The following PTPRS variants were observed in gnomAD, a reference collection of about 807,000 sequenced individuals.
PTPRS encodes protein tyrosine phosphatase receptor type S.
A neutral mutation model predicts 215.3 loss-of-function variants in PTPRS; 63 were observed. The observed-to-expected ratio is 0.29, with a 90% confidence interval of 0.24 to 0.36. The LOEUF is 0.36. Among genes scored for constraint, PTPRS ranks in the 10% least tolerant of loss-of-function variants. The probability of loss-of-function intolerance (pLI) is 1.00; values close to 1 mark genes in which losing one functional copy is unlikely to be tolerated. For synonymous variants in PTPRS, 1,404 were observed against 1,191.4 expected, an observed-to-expected ratio of 1.18 and a Z score of -3.68; for missense variants, 2,258 against 2,825.8, an observed-to-expected ratio of 0.80 and a Z score of 4.56.
chr19:5,216,603 C>T, intron 26 of PTPRS, 117 bp downstream of exon 26: 1 of 911,650 alleles, frequency 1.1e-6, no homozygotes, highest in Non-Finnish European at 1.7e-6. Context: ...GACAGGTGGG[C>T]AAAGGCCGGT....
At chr19:5,337,284 T>C (rs1024407054) in intron 1 of PTPRS, among the ~76,000 whole-genome samples, 33 of 152,214 alleles carry the variant, frequency 2.2e-4, no homozygotes, top group Non-Finnish European at 1.8e-4. Flanking sequence ...CCGAACTCTC[T>C]CCACGCCCCG....
At chr19:5,277,455 A>G (rs1290242576) in intron 2 of PTPRS, among the ~76,000 whole-genome samples, 1 of 151,900 alleles carries the variant, frequency 6.6e-6, no homozygotes, top group Non-Finnish European at 1.5e-5. Flanking sequence ...GGAGATCGAG[A>G]CCATCCTGGC....
intron 1 of PTPRS, among the ~76,000 whole-genome samples, chr19:5,305,508 C>A (rs1445437165): frequency 6.6e-6 from 1 of 151,968 alleles, no homozygotes; most frequent in Non-Finnish European, 1.5e-5. Flanking sequence ...AATAGTGCCA[C>A]TGCACTCCAG....
chr19:5,299,154 G>T (rs540969580), intron 1 of PTPRS, among the ~76,000 whole-genome samples: 1 of 152,112 alleles, frequency 6.6e-6, no homozygotes, highest in East Asian at 1.9e-4. Flanking sequence ...GTCAGGTCCC[G>T]TCCCTCCTCT....
Position 5,244,983 on chromosome 19 carries a change from CTTTT to C in PTPRS, c.989-505_989-502del, listed in dbSNP as rs34897765. On this transcript the variant is annotated intron_variant, in intron 10 of 37. Coordinates refer to ENST00000262963, the MANE Select transcript of PTPRS (RefSeq NM_002850.4). This position sits in a 1 kb window ranked among gnomAD's most constrained non-coding sequence, Gnocchi z 7.2. ...GCACCCGGCCTTTTTTTTCTTTTTTCTTTTTTTTTTTTTTTAGACGGAGCCTTGC... is the reference window on the plus strand; with the variant it reads ...GCACCCGGCCTTTTTTTTCTTTTTTCTTTTTTTTTTTAGACGGAGCCTTGC... Among the ~76,000 whole-genome samples the C allele has an allele frequency of 9.2e-6, 1 of 108,144 alleles. No individual in the cohort carries two copies. The allele number at this position is 108,144 out of a possible 152,430, so 70.9% of individuals were successfully genotyped here.
intron 13 of PTPRS, among the ~76,000 whole-genome samples, chr19:5,232,105 C>G (rs113885711): frequency 1.1e-4 from 17 of 152,176 alleles, no homozygotes; most frequent in African/African-American, 3.4e-4. Flanking sequence ...ATGTGCCAGG[C>G]ACCATGCCAA....
At chr19:5,275,180 C>T (rs1484313167) in intron 2 of PTPRS, among the ~76,000 whole-genome samples, 1 of 151,656 alleles carries the variant, frequency 6.6e-6, no homozygotes, top group East Asian at 1.9e-4. Flanking sequence ...AAGCGATTCT[C>T]CTGCCTCAGC....
At chr19:5,239,459 GGAGA>G (rs2043818124) in intron 12 of PTPRS, among the ~76,000 whole-genome samples, 1 of 150,840 alleles carries the variant, frequency 6.6e-6, no homozygotes, top group African/African-American at 2.4e-5. Flanking sequence ...GAGATAAATG[GGAGA>G]GACAGAGACA....
At position 5,223,310 on chromosome 19, in the gene PTPRS, G is replaced by A. The variant is rs759979008; in HGVS notation, c.2495-13C>T. Reference sequence around the variant, plus strand: ...GGGCGGCCCAGCACTGCGGGGATACGGGGCAGGTGTCAGGGTCCCAGCGCC... The same window carrying A: ...GGGCGGCCCAGCACTGCGGGGATACAGGGCAGGTGTCAGGGTCCCAGCGCC... On this transcript the variant is annotated splice_polypyrimidine_tract_variant and intron_variant, in intron 17 of 37. Transcript: ENST00000262963. 1.0e-5 allele frequency: 15 copies of A among 1,444,062 alleles called. No homozygotes were observed. The highest frequency in any genetic ancestry group is 1.5e-5 in the South Asian group (1 of 67,402). 89.5% of individuals were successfully genotyped at this position (1,444,062 alleles called of 1,614,324 possible).
At chr19:5,330,558 T>G (rs1001874873) in intron 1 of PTPRS, among the ~76,000 whole-genome samples, 1 of 152,204 alleles carries the variant, frequency 6.6e-6, no homozygotes, top group Admixed American at 6.5e-5. Context: ...GGTAGACTCA[T>G]CCAGCTCCTC....
intron 1 of PTPRS, among the ~76,000 whole-genome samples, chr19:5,325,792 G>A (rs1331710605): frequency 6.6e-6 from 1 of 152,244 alleles, no homozygotes; most frequent in Non-Finnish European, 1.5e-5. Context: ...GTTTTTAATA[G>A]GCTCATTAAT....
chr19:5,303,293 G>A (rs1015967159), intron 1 of PTPRS, among the ~76,000 whole-genome samples: 1 of 152,112 alleles, frequency 6.6e-6, no homozygotes, highest in Non-Finnish European at 1.5e-5. Context: ...AGGAAACCGA[G>A]GCACAAACCA....
At chr19:5,229,363 C>A in intron 15 of PTPRS, 21 bp from the exon 16 acceptor site, 1 of 1,373,980 alleles carries the variant, frequency 7.3e-7, no homozygotes, top group African/African-American at 1.5e-5. Context: ...GAGGAGGCGG[C>A]AGGGGAGAGA....
chr19:5,235,645 C>T (rs2043382604), intron 13 of PTPRS, among the ~76,000 whole-genome samples: 1 of 152,202 alleles, frequency 6.6e-6, no homozygotes, highest in Non-Finnish European at 1.5e-5. Flanking sequence ...CTACTGTGCG[C>T]CTGGCACTAG....
intron 2 of PTPRS, among the ~76,000 whole-genome samples, chr19:5,278,470 G>T (rs1333581188): frequency 6.6e-6 from 1 of 151,330 alleles, no homozygotes; most frequent in Non-Finnish European, 1.5e-5. Flanking sequence ...GATGCTTTTT[G>T]ATTACTTATT....
At chr19:5,214,853 A>C in intron 28 of PTPRS, 117 bp from the exon 29 acceptor site, 1 of 1,071,450 alleles carries the variant, frequency 9.3e-7, no homozygotes, top group Non-Finnish European at 1.3e-6. Flanking sequence ...CCCCAAGGTG[A>C]CCATGGGACG....
intron 1 of PTPRS, among the ~76,000 whole-genome samples, chr19:5,330,249 G>A (rs12710081): frequency 0.19 from 28,208 of 151,998 alleles, 3,520 homozygotes; most frequent in African/African-American, 0.36. Flanking sequence ...CAGAAACAAC[G>A]CCTCTGTAAA....
At chr19:5,304,155 G>A (rs961591171) in intron 1 of PTPRS, among the ~76,000 whole-genome samples, 1 of 151,950 alleles carries the variant, frequency 6.6e-6, no homozygotes, top group African/African-American at 2.4e-5. Context: ...AGGCAGACAG[G>A]GGGCCCTGGA....
chr19:5,207,075 T>C (rs931639168), intron 37 of PTPRS, among the ~76,000 whole-genome samples: 1 of 152,192 alleles, frequency 6.6e-6, no homozygotes, highest in Non-Finnish European at 1.5e-5. Flanking sequence ...CTGGAGGCCC[T>C]ATTCATCTTT....
Sources: gnomAD v4.1 joint callset for allele counts (sites outside exome capture counted in the v4.1 genomes callset) on GRCh38, gnomAD v4.1.1 for gene constraint, Gnocchi (gnomAD v3.1) non-coding constraint, MANE v1.5 for transcripts, NCBI Gene and HGNC (gene_info 2026-07-23, HGNC 2026-07-21) for gene names.